The following DPP10 variants were observed in gnomAD, a reference collection of about 807,000 sequenced individuals.
The protein encoded by DPP10 is dipeptidyl peptidase like 10.
Under a neutral mutation model 120.9 loss-of-function variants are expected in DPP10, and 33 were observed. That is an observed-to-expected ratio of 0.27 (90% confidence interval 0.21 to 0.37). The LOEUF (loss-of-function observed/expected upper bound fraction) is 0.37, where lower values mean the gene tolerates loss of function less well. DPP10 is among the 10% of genes least tolerant of loss of function. The pLI is 1.00. For missense variants in DPP10, 816 were observed against 942.8 expected (o/e 0.87, Z 1.76); for synonymous variants, 337 against 326.1 (o/e 1.03, Z -0.36).
intron 1 of DPP10, among the ~76,000 whole-genome samples, chr2:114,863,600 T>G (rs897329607): frequency 6.6e-6 from 1 of 152,014 alleles, no homozygotes; most frequent in Admixed American, 6.6e-5. Context: ...GGCTGCAAAC[T>G]CGTAGAGGCA....
Position 115,439,932 on chromosome 2 carries a change from A to G in DPP10, c.272-59578A>G, listed in dbSNP as rs554797655. Among the ~76,000 whole-genome samples, 7 of 152,316 alleles carry G rather than the reference A, an allele frequency of 4.6e-5. No individual in the cohort carries two copies. In the East Asian group the frequency reaches 1.3e-3, roughly 29 times the overall value. On this transcript the variant is annotated intron_variant, in intron 3 of 25. Transcript: ENST00000410059. The stretch of plus-strand genomic sequence containing the variant: ...GCCGCCTTTCTAAAGTCTAGATTAC[A>G]TTGGATTACCATTGTAGAATTGAAG...
intron 21 of DPP10, among the ~76,000 whole-genome samples, chr2:115,819,432 T>G (rs1575883859): frequency 6.6e-6 from 1 of 152,184 alleles, no homozygotes; most frequent in African/African-American, 2.4e-5. Context: ...AGTGCCTTCT[T>G]GCTTTTGCTA....
At position 115,792,706 on chromosome 2, in the gene DPP10, G is replaced by A. The variant is rs180992863; in HGVS notation, c.1700+1350G>A. 1.9e-3 allele frequency among the ~76,000 whole-genome samples: 293 copies of A among 151,956 alleles called. 1 individual carries two copies. The highest frequency in any genetic ancestry group is 6.3e-3 in the African/African-American group (262 of 41,442). On this transcript the variant is annotated intron_variant, in intron 19 of 25. Transcript: ENST00000410059. Reference sequence around the variant, plus strand: ...TGATTTACTGAGGAAAAATGTTTAAGGCACTAAAACGAGACAAAAAGAAAG... The same window carrying A: ...TGATTTACTGAGGAAAAATGTTTAAAGCACTAAAACGAGACAAAAAGAAAG...
At chr2:114,565,837 G>T (rs1689153623) in intron 1 of DPP10, among the ~76,000 whole-genome samples, 1 of 152,282 alleles carries the variant, frequency 6.6e-6, no homozygotes, top group South Asian at 2.1e-4. Context: ...TGGGTCAGGT[G>T]CAGTGCTAGG....
chr2:115,100,024 A>G (rs1346516052), intron 1 of DPP10, among the ~76,000 whole-genome samples: 5 of 152,242 alleles, frequency 3.3e-5, no homozygotes, highest in African/African-American at 9.6e-5. Flanking sequence ...ATTCTTGGTT[A>G]TATGGATGAT....
chr2:114,944,629 CTT>C (rs1697211666), intron 1 of DPP10, among the ~76,000 whole-genome samples: 1 of 152,108 alleles, frequency 6.6e-6, no homozygotes, highest in Non-Finnish European at 1.5e-5. Flanking sequence ...GTGTTAAAGA[CTT>C]TTCTGTTTCT....
chr2:115,462,542 A>G (rs900200309), intron 3 of DPP10, among the ~76,000 whole-genome samples: 2 of 152,180 alleles, frequency 1.3e-5, no homozygotes, highest in Non-Finnish European at 2.9e-5. Flanking sequence ...TATGAAGCCT[A>G]TCCACCTCTT....
At chr2:114,622,753 G>A (rs1442227644) in intron 1 of DPP10, among the ~76,000 whole-genome samples, 1 of 152,082 alleles carries the variant, frequency 6.6e-6, no homozygotes, top group Non-Finnish European at 1.5e-5. Context: ...GTTTTTAGTT[G>A]CCACCTTGCT....
At chr2:114,605,698 C>G (rs141845243) in intron 1 of DPP10, among the ~76,000 whole-genome samples, 12 of 152,158 alleles carry the variant, frequency 7.9e-5, no homozygotes, top group African/African-American at 2.9e-4. Flanking sequence ...TAATCAAGAC[C>G]TGACAAGTCC....
intron 1 of DPP10, among the ~76,000 whole-genome samples, chr2:114,590,405 C>CTT (rs1214740362): frequency 1.3e-5 from 2 of 152,116 alleles, no homozygotes; most frequent in African/African-American, 4.8e-5. Context: ...TGAGCAATTG[C>CTT]TTTTCTTAAT....
chr2:114,921,341 G>A (rs1248609648), intron 1 of DPP10, among the ~76,000 whole-genome samples: 1 of 152,140 alleles, frequency 6.6e-6, no homozygotes, highest in East Asian at 1.9e-4. Context: ...TAGTTGGAAT[G>A]CTTTAAAGAA....
intron 1 of DPP10, among the ~76,000 whole-genome samples, chr2:114,968,996 T>G (rs1356167430): frequency 6.6e-6 from 1 of 152,248 alleles, no homozygotes; most frequent in African/African-American, 2.4e-5. Flanking sequence ...CGTTCAGATT[T>G]GTTATGCATT....
At chr2:114,549,182 G>A (rs1295887065) in intron 1 of DPP10, among the ~76,000 whole-genome samples, 1 of 151,786 alleles carries the variant, frequency 6.6e-6, no homozygotes, top group African/African-American at 2.4e-5. Context: ...GTGGGCGTGA[G>A]CTGGCCCCAT....
chr2:114,618,074 A>T (rs1237646154), intron 1 of DPP10, among the ~76,000 whole-genome samples: 5 of 152,114 alleles, frequency 3.3e-5, no homozygotes, highest in Non-Finnish European at 7.4e-5. Context: ...TTAGGTCTCC[A>T]TGATGGGCCA....
intron 3 of DPP10, among the ~76,000 whole-genome samples, chr2:115,459,191 C>G (rs1281339649): frequency 6.6e-6 from 1 of 150,806 alleles, no homozygotes; most frequent in Non-Finnish European, 1.5e-5. Context: ...GGGTCATGCT[C>G]TGTTGCCCAG....
chr2:114,857,945 A>G (rs888664618), intron 1 of DPP10, among the ~76,000 whole-genome samples: 4 of 152,108 alleles, frequency 2.6e-5, no homozygotes, highest in African/African-American at 9.7e-5. Flanking sequence ...CTTATTGCCC[A>G]TGTGACCTTG....
intron 3 of DPP10, among the ~76,000 whole-genome samples, chr2:115,428,705 A>T (rs1277813512): frequency 6.6e-6 from 1 of 152,208 alleles, no homozygotes; most frequent in African/African-American, 2.4e-5. Context: ...CCAGTGCCGT[A>T]AAGAAATAGC....
chr2:114,694,041 C>T (rs1302239850), intron 1 of DPP10, among the ~76,000 whole-genome samples: 2 of 151,782 alleles, frequency 1.3e-5, no homozygotes, highest in Non-Finnish European at 2.9e-5. Flanking sequence ...TAGTACTGAA[C>T]CCAATAAAGG....
chr2:115,715,265 G>T (rs2092453109), intron 7 of DPP10, among the ~76,000 whole-genome samples: 1 of 147,094 alleles, frequency 6.8e-6, no homozygotes, highest in African/African-American at 2.5e-5. Context: ...CTTGAACCCA[G>T]GAGGTGGCGG....
Sources: gnomAD v4.1 joint callset for allele counts (sites outside exome capture counted in the v4.1 genomes callset) on GRCh38, gnomAD v4.1.1 for gene constraint, MANE v1.5 for transcripts, NCBI Gene and HGNC (gene_info 2026-07-23, HGNC 2026-07-21) for gene names.